Variants in SUSD4 observed in about 807,000 individuals in gnomAD.
The protein encoded by SUSD4 is sushi domain-containing protein 4.
In SUSD4, 41 loss-of-function variants were observed where a neutral mutation model predicts 50.5. The observed-to-expected ratio is 0.81, with a 90% CI of 0.63 to 1.05. The LOEUF (loss-of-function observed/expected upper bound fraction) is 1.05, where lower values mean the gene tolerates loss of function less well. Ranked by LOEUF, SUSD4 falls within the 50% of genes least tolerant of loss-of-function variation. The pLI, the probability that SUSD4 is intolerant of heterozygous loss-of-function variation, is 0.00. For missense variants in SUSD4, 580 were observed against 634.7 expected (o/e 0.91, Z 0.93); for synonymous variants, 257 against 257.3 (o/e 1.00, Z 0.01).
At chr1:223,322,099 C>T (rs1250954584) in intron 2 of SUSD4, among the ~76,000 whole-genome samples, 1 of 152,002 alleles carries the variant, frequency 6.6e-6, no homozygotes, top group Non-Finnish European at 1.5e-5. Flanking sequence ...TTTCGGATTT[C>T]CGGATTGGAG....
intron 4 of SUSD4, among the ~76,000 whole-genome samples, chr1:223,266,115 C>G (rs1404254785): frequency 6.6e-6 from 1 of 152,184 alleles, no homozygotes; most frequent in Non-Finnish European, 1.5e-5. Context: ...CAGTGCCAAT[C>G]CTGCACTGCT....
chr1:223,296,491 C>A (rs1028772761), intron 2 of SUSD4, among the ~76,000 whole-genome samples: 1 of 152,170 alleles, frequency 6.6e-6, no homozygotes, highest in African/African-American at 2.4e-5. Context: ...TTCTGCATGG[C>A]CTGTGCTGTG....
chr1:223,364,823 T>C (rs1261738248), upstream of SUSD4, among the ~76,000 whole-genome samples: 2 of 152,044 alleles, frequency 1.3e-5, no homozygotes, highest in East Asian at 1.9e-4. This position sits in a 1 kb window ranked among gnomAD's most constrained non-coding sequence, Gnocchi z 4.5. Flanking sequence ...CCCGAGTCTC[T>C]TAATTTCCCG....
At chr1:223,292,259 GATTA>G (rs1418260870) in intron 3 of SUSD4, among the ~76,000 whole-genome samples, 176 bp downstream of exon 3, 2 of 152,210 alleles carry the variant, frequency 1.3e-5, no homozygotes, top group African/African-American at 4.8e-5. Flanking sequence ...CTAATGCAGA[GATTA>G]ATTAACCCTC....
At chr1:223,340,166 T>C (rs561803581) in intron 2 of SUSD4, among the ~76,000 whole-genome samples, 1 of 152,290 alleles carries the variant, frequency 6.6e-6, no homozygotes, top group South Asian at 2.1e-4. Context: ...CCCAGCACCC[T>C]GAAAAAAGCA....
intron 3 of SUSD4, among the ~76,000 whole-genome samples, chr1:223,269,225 A>T (rs76042791): frequency 0.012 from 1,782 of 152,250 alleles, 33 homozygotes; most frequent in African/African-American, 0.041. Context: ...TATCTGTTTA[A>T]AAAGAGATAA....
rs568707962 is a variant in SUSD4, at chr1:223,229,625, C to T, written c.725-237G>A. Among the ~76,000 whole-genome samples the T allele has an allele frequency of 6.6e-6, 1 of 152,160 alleles. No individual in the cohort carries two copies. Among genetic ancestry groups the T allele is most frequent in the African/African-American group, 2.4e-5 (1 of 41,514 alleles). ...TGTGACATGGCATTGTGAAGTACAT[C>T]GTAAAAGAGAGGTTCGTTTTACAAT... On this transcript the variant is annotated intron_variant, in intron 5 of 8. Transcript: ENST00000366878. The surrounding 1 kb of genome is among the most constrained non-coding windows in gnomAD (Gnocchi z 4.7).
intron 5 of SUSD4, among the ~76,000 whole-genome samples, chr1:223,234,515 G>T (rs866557946): frequency 6.6e-6 from 1 of 152,138 alleles, no homozygotes; most frequent in Admixed American, 6.5e-5. Context: ...CATGATTCTT[G>T]ATAAACATTT....
intron 2 of SUSD4, among the ~76,000 whole-genome samples, chr1:223,294,496 G>A (rs1664701186): frequency 6.6e-6 from 1 of 152,214 alleles, no homozygotes; most frequent in African/African-American, 2.4e-5. Flanking sequence ...CCTGGCTTAT[G>A]ATGCTAGACC....
chr1:223,236,882 A>G (rs1222603158), intron 5 of SUSD4, among the ~76,000 whole-genome samples: 1 of 152,124 alleles, frequency 6.6e-6, no homozygotes, highest in Non-Finnish European at 1.5e-5. Context: ...AATAATATCA[A>G]AAAATAACTT....
In SUSD4 at chr1:223,229,513, A is replaced by G; in HGVS notation, c.725-125T>C. The G allele has an allele frequency of 1.1e-6, 1 of 888,108 alleles. No homozygotes were observed. Among genetic ancestry groups the G allele is most frequent in the Non-Finnish European group, 1.6e-6 (1 of 611,724 alleles). 55.0% of individuals were successfully genotyped at this position (888,108 alleles called of 1,614,324 possible). A position where few individuals can be genotyped will look rare whatever the true frequency, so the allele number is the denominator to read the frequency against. ...GTGCTTATGGATTAATCACCAGGCT[A>G]CTGAGTTGCATTAGAGATGGTCTCT... On this transcript the variant is annotated intron_variant, in intron 5 of 8. Transcript: ENST00000366878. The surrounding 1 kb of genome is among the most constrained non-coding windows in gnomAD (Gnocchi z 4.7).
chr1:223,338,528 T>C (rs1266207211), intron 2 of SUSD4, among the ~76,000 whole-genome samples: 3 of 152,180 alleles, frequency 2.0e-5, no homozygotes, highest in Non-Finnish European at 4.4e-5. Flanking sequence ...CAATCAAATA[T>C]GTGTTTTGGA....
chr1:223,325,701 A>G (rs1173801394), intron 2 of SUSD4, among the ~76,000 whole-genome samples: 1 of 152,260 alleles, frequency 6.6e-6, no homozygotes, highest in Non-Finnish European at 1.5e-5. Context: ...ATGTACACAC[A>G]TCAGTAGCAC....
At chr1:223,257,024 G>A (rs1661742463) in intron 5 of SUSD4, among the ~76,000 whole-genome samples, 1 of 152,166 alleles carries the variant, frequency 6.6e-6, no homozygotes, top group Non-Finnish European at 1.5e-5. Context: ...ACGGTGCTTG[G>A]CATAGAGTAG....
Position 223,303,556 on chromosome 1 carries a change from G to A in SUSD4, c.149-10905C>T, listed in dbSNP as rs143118576. Among the ~76,000 whole-genome samples, 544 of 152,270 alleles carry A rather than the reference G, an allele frequency of 3.6e-3. 10 individuals carry two copies. Among genetic ancestry groups the A allele is most frequent in the Admixed American group, 0.032 (489 of 15,296 alleles). ...ACCTTATAGTAGTATTGCAGGATCTGGCCAGCAGCCCGCAATGCAATGGGG... is the reference window on the plus strand; with the variant it reads ...ACCTTATAGTAGTATTGCAGGATCTAGCCAGCAGCCCGCAATGCAATGGGG... On this transcript the variant is annotated intron_variant, in intron 2 of 8. Transcript: ENST00000366878.
intron 2 of SUSD4, among the ~76,000 whole-genome samples, chr1:223,298,183 AATGGATGG>A (rs926173006): frequency 6.6e-6 from 1 of 151,518 alleles, no homozygotes; most frequent in African/African-American, 2.4e-5. Context: ...CAGATAGATG[AATGGATGG>A]ATGGATGGAT....
chr1:223,342,944 T>C (rs1558267347), intron 2 of SUSD4, among the ~76,000 whole-genome samples: 1 of 152,208 alleles, frequency 6.6e-6, no homozygotes, highest in Non-Finnish European at 1.5e-5. Context: ...ACATTGTTGA[T>C]ATGTGAAAGG....
chr1:223,322,730 C>T (rs551113631), intron 2 of SUSD4, among the ~76,000 whole-genome samples: 92 of 152,242 alleles, frequency 6.0e-4, no homozygotes, highest in African/African-American at 1.9e-3. Context: ...GCAATGGGAA[C>T]AGTGCATTCA....
intron 3 of SUSD4, among the ~76,000 whole-genome samples, chr1:223,288,284 C>A: frequency 6.6e-6 from 1 of 152,166 alleles, no homozygotes; most frequent in East Asian, 1.9e-4. Context: ...CTCTCTCCTG[C>A]CACCATGTAT....
Sources: gnomAD v4.1 joint callset for allele counts (sites outside exome capture counted in the v4.1 genomes callset) on GRCh38, gnomAD v4.1.1 for gene constraint, Gnocchi (gnomAD v3.1) non-coding constraint, MANE v1.5 for transcripts, NCBI Gene and HGNC (gene_info 2026-07-23, HGNC 2026-07-21) for gene names.